The following PTPRR variants were observed in gnomAD, a reference collection of about 807,000 sequenced individuals.
PTPRR encodes protein tyrosine phosphatase receptor type R, also known as receptor-type tyrosine-protein phosphatase R.
PTPRR carries 38 observed loss-of-function variants against 77.2 expected under a neutral mutation model. The ratio of observed to expected loss-of-function variants is 0.49; its 90% CI spans 0.38 to 0.65. PTPRR has a LOEUF of 0.65. PTPRR is among the 30% of genes least tolerant of loss of function. The probability of loss-of-function intolerance (pLI) is 0.00; values close to 1 mark genes in which losing one functional copy is unlikely to be tolerated. For synonymous variants in PTPRR, 299 were observed against 283.1 expected, an observed-to-expected ratio of 1.06 and a Z score of -0.57; for missense variants, 744 against 799.2, an observed-to-expected ratio of 0.93 and a Z score of 0.83.
At chr12:70,884,844 T>C (rs1323915572) in intron 2 of PTPRR, among the ~76,000 whole-genome samples, 92 of 122,456 alleles carry the variant, frequency 7.5e-4, no homozygotes, top group African/African-American at 3.0e-3. Context: ...TGCACTCCAG[T>C]CTGGGCAACA....
chr12:70,685,328 G>A (rs541801337), intron 8 of PTPRR, among the ~76,000 whole-genome samples: 2 of 151,914 alleles, frequency 1.3e-5, no homozygotes, highest in African/African-American at 4.8e-5. Context: ...GGAAGAGGGA[G>A]GTTGCAAAGA....
intron 2 of PTPRR, among the ~76,000 whole-genome samples, chr12:70,780,702 G>T (rs1891186135): frequency 6.6e-6 from 1 of 152,082 alleles, no homozygotes; most frequent in South Asian, 2.1e-4. Flanking sequence ...CCCTTTACAT[G>T]ATATTGGGAG....
intron 1 of PTPRR, among the ~76,000 whole-genome samples, chr12:70,915,601 G>C (rs1282322557): frequency 1.3e-5 from 2 of 152,132 alleles, no homozygotes; most frequent in African/African-American, 4.8e-5. Context: ...AAGAATTTGG[G>C]CTGCACAATA....
intron 6 of PTPRR, among the ~76,000 whole-genome samples, chr12:70,731,199 A>G (rs968297058): frequency 6.6e-6 from 1 of 152,164 alleles, no homozygotes; most frequent in African/African-American, 2.4e-5. Context: ...TCTTCTATGA[A>G]ACTGTGATGG....
At chr12:70,787,402 T>C (rs914674975) in intron 2 of PTPRR, among the ~76,000 whole-genome samples, 1 of 152,204 alleles carries the variant, frequency 6.6e-6, no homozygotes, top group African/African-American at 2.4e-5. Flanking sequence ...TTTTTAAAAT[T>C]AACTTGAAGA....
intron 8 of PTPRR, chr12:70,684,989 T>A (rs1049504798): frequency 7.7e-6 from 3 of 390,824 alleles, no homozygotes; most frequent in African/African-American, 6.2e-5. Flanking sequence ...AGCTCATCCA[T>A]AAGCCTAAGC....
chr12:70,784,497 C>T (rs867843116), intron 2 of PTPRR, among the ~76,000 whole-genome samples: 10 of 152,180 alleles, frequency 6.6e-5, no homozygotes, highest in African/African-American at 2.4e-4. Context: ...AGAGCTCCCC[C>T]TTGTCCGGAG....
intron 1 of PTPRR, among the ~76,000 whole-genome samples, chr12:70,899,607 A>G (rs1024243359): frequency 1.3e-5 from 2 of 151,526 alleles, no homozygotes; most frequent in Non-Finnish European, 3.0e-5. Context: ...ACCCCACAGT[A>G]CACATTATGC....
intron 6 of PTPRR, among the ~76,000 whole-genome samples, chr12:70,721,162 G>A (rs1157944815): frequency 2.0e-5 from 3 of 152,106 alleles, no homozygotes; most frequent in Admixed American, 6.5e-5. Context: ...ACTTACACAT[G>A]GTACTGCCAA....
At chr12:70,645,010 G>T (rs1041030940) in intron 13 of PTPRR, among the ~76,000 whole-genome samples, 1 of 152,108 alleles carries the variant, frequency 6.6e-6, no homozygotes, top group African/African-American at 2.4e-5. Flanking sequence ...AACGTCATCG[G>T]GTTGTGAGGA....
chr12:70,638,984 G>C lies in PTPRR; in HGVS notation c.*200C>G, dbSNP rs1170927405. On this transcript the variant is annotated 3_prime_UTR_variant, in exon 14 of 14. Transcript: ENST00000283228. ...CATCAAAAAACCTTCAGAATAATTTGGGGGATGCTTACAAATGCATTCATA... is the reference window on the plus strand; with the variant it reads ...CATCAAAAAACCTTCAGAATAATTTCGGGGATGCTTACAAATGCATTCATA... The C allele has an allele frequency of 8.8e-6, 5 of 570,166 alleles. No individual in the cohort carries two copies. The Admixed American group carries it at 1.6e-4, about 18-fold the overall frequency. 35.3% of individuals were successfully genotyped at this position (570,166 alleles called of 1,614,324 possible).
chr12:70,678,020 G>A (rs1887510976), intron 10 of PTPRR, among the ~76,000 whole-genome samples: 1 of 152,086 alleles, frequency 6.6e-6, no homozygotes, highest in Non-Finnish European at 1.5e-5. Context: ...GAAGCCATCA[G>A]GTCCTGGGTT....
At chr12:70,671,041 A>G (rs1887202954) in intron 10 of PTPRR, among the ~76,000 whole-genome samples, 1 of 152,242 alleles carries the variant, frequency 6.6e-6, no homozygotes, top group Admixed American at 6.5e-5. Flanking sequence ...ATGAAACTAT[A>G]AAGCCTGGGA....
chr12:70,881,357 T>C (rs11178469), intron 2 of PTPRR, among the ~76,000 whole-genome samples: 27,926 of 152,150 alleles, frequency 0.18, 3,274 homozygotes, highest in East Asian at 0.41. Context: ...CAGTATTCTC[T>C]AAGTCCTTCA....
At chr12:70,794,498 G>A (rs1165805775) in intron 2 of PTPRR, among the ~76,000 whole-genome samples, 1 of 152,190 alleles carries the variant, frequency 6.6e-6, no homozygotes, top group Non-Finnish European at 1.5e-5. Context: ...CAAAACTTGT[G>A]TCAGAACTCT....
intron 6 of PTPRR, among the ~76,000 whole-genome samples, chr12:70,732,851 GC>G (rs1889710876): frequency 6.6e-6 from 1 of 151,964 alleles, no homozygotes; most frequent in Admixed American, 6.6e-5. Flanking sequence ...GAGCCACTAT[GC>G]CCGGCGCATC....
intron 2 of PTPRR, among the ~76,000 whole-genome samples, chr12:70,783,310 C>G (rs1453609060): frequency 1.3e-5 from 2 of 151,762 alleles, no homozygotes; most frequent in Middle Eastern, 3.2e-3. Context: ...CTCCTCTCTG[C>G]TACTGGTTGT....
At chr12:70,787,444 G>A (rs1247475825) in intron 2 of PTPRR, among the ~76,000 whole-genome samples, 1 of 152,146 alleles carries the variant, frequency 6.6e-6, no homozygotes, top group Non-Finnish European at 1.5e-5. Context: ...GTATTTTAGT[G>A]TACAAGGCTA....
At chr12:70,784,075 G>A (rs1340263637) in intron 2 of PTPRR, among the ~76,000 whole-genome samples, 2 of 149,220 alleles carry the variant, frequency 1.3e-5, no homozygotes, top group African/African-American at 2.5e-5. Context: ...CGGTTTGGGT[G>A]GCTGCAGCTG....
Sources: gnomAD v4.1 joint callset for allele counts (sites outside exome capture counted in the v4.1 genomes callset) on GRCh38, gnomAD v4.1.1 for gene constraint, MANE v1.5 for transcripts, NCBI Gene and HGNC (gene_info 2026-07-23, HGNC 2026-07-21) for gene names.